SNTG1: variants seen among roughly 807,000 people sequenced by gnomAD.
SNTG1 encodes the protein syntrophin gamma 1, also known as gamma-1-syntrophin.
A neutral mutation model predicts 74.7 loss-of-function variants in SNTG1; 39 were observed. The observed-to-expected ratio is 0.52, with a 90% CI of 0.40 to 0.68. The LOEUF is 0.68. Among genes scored for constraint, SNTG1 ranks in the 30% least tolerant of loss-of-function variants. The pLI is 0.00. For synonymous variants in SNTG1, 254 were observed against 217.1 expected (o/e 1.17, Z -1.49); for missense variants, 685 against 609.5 (o/e 1.12, Z -1.30).
At chr8:50,453,415 G>C (rs1016375088) in intron 8 of SNTG1, among the ~76,000 whole-genome samples, 2 of 152,150 alleles carry the variant, frequency 1.3e-5, no homozygotes, top group African/African-American at 4.8e-5. Context: ...CTGGAAGATT[G>C]TTAAGGAAGA....
chr8:50,725,023 A>T (rs142350292), intron 17 of SNTG1, among the ~76,000 whole-genome samples: 34 of 152,320 alleles, frequency 2.2e-4, no homozygotes, highest in Admixed American at 6.5e-4. Context: ...GAGACAAATA[A>T]ATATCATTCG....
intron 15 of SNTG1, among the ~76,000 whole-genome samples, chr8:50,689,684 A>G (rs1309098077): frequency 1.3e-5 from 2 of 152,192 alleles, no homozygotes; most frequent in Admixed American, 6.5e-5. Context: ...ATTGATGTTC[A>G]TCAAGGATAT....
At chr8:50,216,628 C>T (rs1194172156) in intron 2 of SNTG1, among the ~76,000 whole-genome samples, 1 of 152,036 alleles carries the variant, frequency 6.6e-6, no homozygotes, top group Admixed American at 6.6e-5. Flanking sequence ...ATTAAAGGAA[C>T]ATTTTTTCTG....
intron 15 of SNTG1, among the ~76,000 whole-genome samples, chr8:50,691,870 T>A (rs2095381507): frequency 6.6e-6 from 1 of 152,252 alleles, no homozygotes; most frequent in Non-Finnish European, 1.5e-5. Flanking sequence ...ATTCTCCCTG[T>A]CACTTTCAGG....
At chr8:50,572,439 G>A (rs1037950007) in intron 12 of SNTG1, among the ~76,000 whole-genome samples, 1 of 152,104 alleles carries the variant, frequency 6.6e-6, no homozygotes, top group Non-Finnish European at 1.5e-5. Context: ...ATCTTAAAAT[G>A]ATGACTGAGA....
intron 17 of SNTG1, among the ~76,000 whole-genome samples, chr8:50,751,505 A>AT (rs2095567330): frequency 6.6e-6 from 1 of 152,034 alleles, no homozygotes; most frequent in East Asian, 1.9e-4. Flanking sequence ...ACTTTCCAAG[A>AT]TATTACAGAC....
chr8:50,593,709 A>G (rs1255622350), intron 13 of SNTG1, among the ~76,000 whole-genome samples: 1 of 146,004 alleles, frequency 6.8e-6, no homozygotes, highest in African/African-American at 2.5e-5. Context: ...TAAGATTCTG[A>G]TTTGGTTCTT....
intron 13 of SNTG1, among the ~76,000 whole-genome samples, chr8:50,599,503 T>C (rs1236930652): frequency 1.3e-5 from 2 of 152,076 alleles, no homozygotes; most frequent in East Asian, 3.8e-4. Context: ...ATATAAAATG[T>C]CTTTCTTTTT....
At chr8:50,023,507 G>A (rs866834636) in intron 1 of SNTG1, among the ~76,000 whole-genome samples, 17 of 152,136 alleles carry the variant, frequency 1.1e-4, no homozygotes, top group African/African-American at 3.9e-4. Flanking sequence ...ATCAGTATGA[G>A]GTTCAGAGGG....
chr8:50,012,535 A>T (rs530956798), intron 1 of SNTG1, among the ~76,000 whole-genome samples: 3 of 152,272 alleles, frequency 2.0e-5, no homozygotes, highest in Admixed American at 6.5e-5. Context: ...CAGGTTTTTA[A>T]ATTCACTGGA....
At position 50,739,299 on chromosome 8, in the gene SNTG1, A is replaced by G. The variant is rs372812908; in HGVS notation, c.1285-12702A>G. On this transcript the variant is annotated intron_variant, in intron 17 of 18. Coordinates refer to ENST00000642720, the MANE Select transcript of SNTG1 (RefSeq NM_018967.5). ...AAAAAAGACATTTATATAGCCAACAAGCATATGAAAAAAAGCTCATCATCA... is the reference window on the plus strand; with the variant it reads ...AAAAAAGACATTTATATAGCCAACAGGCATATGAAAAAAAGCTCATCATCA... Among the ~76,000 whole-genome samples, 17 of 152,170 alleles carry G rather than the reference A, an allele frequency of 1.1e-4. No homozygotes were observed. In the East Asian group the frequency reaches 1.3e-3, roughly 12 times the overall value.
chr8:50,310,057 T>C (rs529326276), intron 2 of SNTG1, among the ~76,000 whole-genome samples: 31 of 152,326 alleles, frequency 2.0e-4, no homozygotes, highest in South Asian at 4.1e-4. Context: ...TTTGAGCACA[T>C]CCACTTGCAT....
At position 50,009,889 on chromosome 8, in the gene SNTG1, C is replaced by T. The variant is rs376161980; in HGVS notation, c.-103+97658C>T. The stretch of plus-strand genomic sequence containing the variant: ...TGATGCATGCCTGTAGCCCCAGCTA[C>T]TCAGGAGGCTGACGCAGAATTCCTT... On this transcript the variant is annotated intron_variant, in intron 1 of 18. Transcript: ENST00000642720. Among the ~76,000 whole-genome samples, 12 of 152,216 alleles carry T rather than the reference C, an allele frequency of 7.9e-5. No individual in the cohort carries two copies. In the South Asian group the frequency reaches 8.3e-4, roughly 11 times the overall value.
chr8:50,430,921 C>T (rs1369037847), intron 4 of SNTG1, among the ~76,000 whole-genome samples: 1 of 152,096 alleles, frequency 6.6e-6, no homozygotes, highest in Non-Finnish European at 1.5e-5. Flanking sequence ...CACACCATAC[C>T]CTGATGTGAA....
intron 13 of SNTG1, among the ~76,000 whole-genome samples, chr8:50,598,160 A>G (rs1417579792): frequency 6.6e-6 from 1 of 151,934 alleles, no homozygotes; most frequent in South Asian, 2.1e-4. Context: ...AATTTCATGA[A>G]GCAATTTCCC....
intron 2 of SNTG1, among the ~76,000 whole-genome samples, chr8:50,213,085 A>G (rs933918583): frequency 4.6e-5 from 7 of 152,210 alleles, no homozygotes; most frequent in African/African-American, 1.7e-4. Context: ...GTTCACATAT[A>G]TCATCTTCCC....
chr8:50,556,403 C>T (rs2094455774), intron 12 of SNTG1, among the ~76,000 whole-genome samples: 1 of 152,142 alleles, frequency 6.6e-6, no homozygotes, highest in Admixed American at 6.5e-5. Context: ...TTTAGGTGAG[C>T]ATTCACTCCC....
At chr8:49,920,404 CT>C (rs1386422486) in intron 1 of SNTG1, among the ~76,000 whole-genome samples, 1 of 151,966 alleles carries the variant, frequency 6.6e-6, no homozygotes, top group African/African-American at 2.4e-5. Flanking sequence ...TTAAATGCTT[CT>C]CTATAGATTA....
At chr8:50,668,949 A>C (rs180892273) in intron 15 of SNTG1, among the ~76,000 whole-genome samples, 1 of 152,094 alleles carries the variant, frequency 6.6e-6, no homozygotes, top group Non-Finnish European at 1.5e-5. Flanking sequence ...ATACGTGTGC[A>C]TGTGTCTTTA....
Sources: gnomAD v4.1 joint callset for allele counts (sites outside exome capture counted in the v4.1 genomes callset) on GRCh38, gnomAD v4.1.1 for gene constraint, MANE v1.5 for transcripts, NCBI Gene and HGNC (gene_info 2026-07-23, HGNC 2026-07-21) for gene names.